SRRM4: variants seen among roughly 807,000 people sequenced by gnomAD.
The protein encoded by SRRM4 is serine/arginine repetitive matrix 4, also known as serine/arginine repetitive matrix protein 4.
A neutral mutation model predicts 68.9 loss-of-function variants in SRRM4; 33 were observed. That is an observed-to-expected ratio of 0.48 (90% CI 0.36 to 0.64). SRRM4 has a LOEUF of 0.64. Ranked by LOEUF, SRRM4 falls within the 30% of genes least tolerant of loss-of-function variation. The probability of loss-of-function intolerance (pLI) is 0.00; values close to 1 mark genes in which losing one functional copy is unlikely to be tolerated. For missense variants in SRRM4, 817 were observed against 827.1 expected, an observed-to-expected ratio of 0.99 and a Z score of 0.15; for synonymous variants, 318 against 318.8, an observed-to-expected ratio of 1.00 and a Z score of 0.03.
At chr12:119,149,697 T>A (rs77287962) in intron 9 of SRRM4, among the ~76,000 whole-genome samples, 2,449 of 152,282 alleles carry the variant, frequency 0.016, 76 homozygotes, top group African/African-American at 0.056. Context: ...CAGAATGTTC[T>A]GAGGCCTGGA....
At chr12:119,126,475 T>C (rs1592908788) in intron 7 of SRRM4, among the ~76,000 whole-genome samples, 1 of 152,278 alleles carries the variant, frequency 6.6e-6, no homozygotes, top group Non-Finnish European at 1.5e-5. Flanking sequence ...ACAGTTAGGA[T>C]TGAAATCAGG....
At chr12:118,982,777 G>A (rs988530030) in intron 1 of SRRM4, among the ~76,000 whole-genome samples, 3 of 150,214 alleles carry the variant, frequency 2.0e-5, no homozygotes, top group African/African-American at 7.3e-5. Flanking sequence ...ATGGAAGGAA[G>A]AATAAGGGAA....
chr12:118,993,826 G>A (rs1232813545), intron 1 of SRRM4: 1 of 152,186 alleles, frequency 6.6e-6, no homozygotes, highest in African/African-American at 2.4e-5. Flanking sequence ...GTGGGCTTTT[G>A]GAAAGAGAAA....
intron 8 of SRRM4, among the ~76,000 whole-genome samples, chr12:119,143,137 A>C (rs1954376550): frequency 6.6e-6 from 1 of 152,194 alleles, no homozygotes; most frequent in Admixed American, 6.5e-5. Context: ...GAGAATCTAC[A>C]AAGGAATTCC....
intron 1 of SRRM4, among the ~76,000 whole-genome samples, chr12:119,032,983 G>T (rs1953601474): frequency 6.6e-6 from 1 of 151,998 alleles, no homozygotes; most frequent in Admixed American, 6.5e-5. Context: ...CTAATGATAT[G>T]TATTCTTTTT....
intron 1 of SRRM4, among the ~76,000 whole-genome samples, chr12:119,041,365 G>T (rs1953667894): frequency 6.6e-6 from 1 of 152,158 alleles, no homozygotes; most frequent in Non-Finnish European, 1.5e-5. Flanking sequence ...GTCCAATGAG[G>T]ATAATATGCC....
intron 1 of SRRM4, among the ~76,000 whole-genome samples, chr12:119,064,466 C>T (rs1194972360): frequency 2.0e-5 from 3 of 152,122 alleles, no homozygotes; most frequent in Non-Finnish European, 1.5e-5. Context: ...CCAGAGGAGT[C>T]AGCCAAAGTC....
intron 1 of SRRM4, among the ~76,000 whole-genome samples, chr12:119,006,391 T>C (rs1288102830): frequency 6.6e-6 from 1 of 152,112 alleles, no homozygotes; most frequent in Non-Finnish European, 1.5e-5. Flanking sequence ...TTTCCCACCA[T>C]AGAAAAATTG....
chr12:119,124,452 C>A (rs552895525), intron 6 of SRRM4: 2 of 152,210 alleles, frequency 1.3e-5, no homozygotes, highest in East Asian at 3.9e-4. Context: ...TAGAAGAATC[C>A]CTGAGTCCTT....
intron 1 of SRRM4, among the ~76,000 whole-genome samples, chr12:119,032,401 C>A (rs1270396429): frequency 6.6e-6 from 1 of 152,130 alleles, no homozygotes; most frequent in Non-Finnish European, 1.5e-5. Flanking sequence ...TGTCCTTGAT[C>A]AAATTTATTT....
rs570373825 is a variant in SRRM4, at chr12:119,022,334, CA to C, written c.131+40322del. Among the ~76,000 whole-genome samples the C allele has an allele frequency of 2.6e-4, 40 of 152,322 alleles. No individual in the cohort carries two copies. The South Asian group carries it at 8.3e-3, about 32-fold the overall frequency. The stretch of plus-strand genomic sequence containing the variant: ...CTTTTGTCAAGACCCACTCTGTGCT[CA>C]GCACTGGTCTAGATGCTAAGGATTC... On this transcript the variant is annotated intron_variant, in intron 1 of 12. Coordinates refer to ENST00000267260, the MANE Select transcript of SRRM4 (RefSeq NM_194286.4).
At chr12:119,022,215 AAG>A (rs1384807289) in intron 1 of SRRM4, among the ~76,000 whole-genome samples, 1 of 152,180 alleles carries the variant, frequency 6.6e-6, no homozygotes, top group Non-Finnish European at 1.5e-5. Context: ...AAAAAAAAGA[AAG>A]AGGAGAATGC....
intron 1 of SRRM4, among the ~76,000 whole-genome samples, chr12:119,094,044 C>T (rs1392986770): frequency 6.6e-6 from 1 of 152,134 alleles, no homozygotes; most frequent in Non-Finnish European, 1.5e-5. Flanking sequence ...TTTTTCTCCA[C>T]ATGATTCTTT....
intron 2 of SRRM4, among the ~76,000 whole-genome samples, chr12:119,104,326 T>C (rs1446494610): frequency 6.6e-6 from 1 of 152,094 alleles, no homozygotes; most frequent in Admixed American, 6.6e-5. Flanking sequence ...AGCATCTCTA[T>C]TGTAGAGCTG....
chr12:119,123,057 C>T lies in SRRM4; in HGVS notation c.515+937C>T, dbSNP rs1349997157. ...CTGCAAATGTTAGTGCGTGTGTTTT[C>T]CAATCAACTAATATTTTATCTCCTG... On this transcript the variant is annotated intron_variant, in intron 6 of 12. Transcript: ENST00000267260. Among the ~76,000 whole-genome samples the T allele has an allele frequency of 2.6e-5, 4 of 152,280 alleles. No individual in the cohort carries two copies. The East Asian group carries it at 5.8e-4, about 22-fold the overall frequency.
At chr12:119,130,253 T>G (rs1954287462) in intron 7 of SRRM4, among the ~76,000 whole-genome samples, 1 of 151,258 alleles carries the variant, frequency 6.6e-6, no homozygotes, top group Non-Finnish European at 1.5e-5. Context: ...GATGATTGGG[T>G]GGATGGTTAG....
At chr12:119,003,872 A>G (rs1418880196) in intron 1 of SRRM4, among the ~76,000 whole-genome samples, 1 of 152,076 alleles carries the variant, frequency 6.6e-6, no homozygotes, top group East Asian at 2.0e-4. Context: ...TCTTCTCTCT[A>G]TAGACGATAT....
intron 1 of SRRM4, among the ~76,000 whole-genome samples, chr12:119,032,883 T>C (rs1953600882): frequency 6.6e-6 from 1 of 152,174 alleles, no homozygotes; most frequent in African/African-American, 2.4e-5. Flanking sequence ...CTGCAAATTG[T>C]CGATTTTGTT....
At chr12:119,053,947 C>T (rs1264596891) in intron 1 of SRRM4, among the ~76,000 whole-genome samples, 1 of 152,146 alleles carries the variant, frequency 6.6e-6, no homozygotes, top group Non-Finnish European at 1.5e-5. Context: ...GCTATAGTCA[C>T]CCCATTGTGC....
Sources: allele counts gnomAD v4.1 joint callset (sites outside exome capture counted in the v4.1 genomes callset), GRCh38; gene constraint gnomAD v4.1.1; transcripts MANE v1.5; gene names NCBI Gene and HGNC (gene_info 2026-07-23, HGNC 2026-07-21).